Variants in SLC35F4 observed in about 807,000 individuals in gnomAD.
SLC35F4 encodes the protein chromosome 14 open reading frame 36.
Under a neutral mutation model 44.2 loss-of-function variants are expected in SLC35F4, and 24 were observed. The observed-to-expected ratio is 0.54, with a 90% CI of 0.39 to 0.76. The LOEUF (loss-of-function observed/expected upper bound fraction) is 0.76. Ranked by LOEUF, SLC35F4 falls within the 30% of genes least tolerant of loss-of-function variation. SLC35F4 has a pLI of 0.00. For missense variants in SLC35F4, 562 were observed against 586.1 expected (o/e 0.96, Z 0.42); for synonymous variants, 238 against 223.6 (o/e 1.06, Z -0.57).
intron 1 of SLC35F4, among the ~76,000 whole-genome samples, chr14:57,600,495 A>C (rs1299790158): frequency 6.6e-6 from 1 of 150,614 alleles, no homozygotes; most frequent in Non-Finnish European, 1.5e-5. Flanking sequence ...GATCGAGACC[A>C]TCCCGGCTAA....
At position 57,808,303 on chromosome 14, in the gene SLC35F4, C is replaced by T. The variant is rs182137379; in HGVS notation, c.103+57420G>A. On this transcript the variant is annotated intron_variant, in intron 1 of 7. Coordinates refer to ENST00000556826, the MANE Select transcript of SLC35F4 (RefSeq NM_001306087.2). ...TCAAAGTCAGACAGCAACTGGAATC[C>T]GCTCCACCTGTGCTGGCTCCATGGT... 2.0e-4 allele frequency among the ~76,000 whole-genome samples: 30 copies of T among 151,908 alleles called. 1 individual carries two copies. The highest frequency in any genetic ancestry group is 2.4e-4 in the African/African-American group (10 of 41,256).
chr14:57,692,921 A>G (rs1320544572), intron 1 of SLC35F4, among the ~76,000 whole-genome samples: 1 of 152,196 alleles, frequency 6.6e-6, no homozygotes, highest in East Asian at 1.9e-4. Context: ...GTCCATTTAG[A>G]TCAGTGCTTC....
At chr14:57,835,952 A>G (rs1202712514) in intron 1 of SLC35F4, among the ~76,000 whole-genome samples, 1 of 152,218 alleles carries the variant, frequency 6.6e-6, no homozygotes, top group East Asian at 1.9e-4. Context: ...TCTAAACAAC[A>G]CATTTGGGAA....
chr14:57,594,179 G>C, intron 1 of SLC35F4, 55 bp from the exon 2 acceptor site: 1 of 1,475,390 alleles, frequency 6.8e-7, no homozygotes, highest in African/African-American at 1.4e-5. Flanking sequence ...ATTGGAAGTA[G>C]ATTTTATTAT....
intron 1 of SLC35F4, among the ~76,000 whole-genome samples, chr14:57,602,166 TAA>T (rs35032895): frequency 2.9e-3 from 428 of 145,580 alleles, no homozygotes; most frequent in South Asian, 9.6e-3. Flanking sequence ...GCCTGGATGG[TAA>T]AAAAAAAAAA....
intron 3 of SLC35F4, 118 bp from the exon 4 acceptor site, chr14:57,581,551 G>A: frequency 4.4e-6 from 4 of 901,520 alleles, no homozygotes; most frequent in Non-Finnish European, 6.7e-6. Flanking sequence ...ATCCTTCATT[G>A]TGAAGTATAC....
At chr14:57,745,747 G>A (rs2076736537) in intron 1 of SLC35F4, among the ~76,000 whole-genome samples, 1 of 152,136 alleles carries the variant, frequency 6.6e-6, no homozygotes, top group Admixed American at 6.5e-5. Flanking sequence ...TATACCCAAA[G>A]GATTATAAAT....
upstream of SLC35F4, among the ~76,000 whole-genome samples, chr14:57,870,862 G>C (rs1371440243): frequency 6.6e-6 from 1 of 152,136 alleles, no homozygotes; most frequent in Non-Finnish European, 1.5e-5. Flanking sequence ...TTTCAACCAT[G>C]GGTAATGATC....
rs201193472 is a variant in SLC35F4 at position 57,572,017 on chromosome 14, T to C, written c.810A>G (p.Ile270Met). The C allele has an allele frequency of 1.9e-4, 302 of 1,608,836 alleles. No individual in the cohort carries two copies. The highest frequency in any genetic ancestry group is 2.5e-4 in the Non-Finnish European group (291 of 1,177,402). The change falls in exon 5 of 8, where the codon ATA (isoleucine) becomes ATG (methionine). Residue 270 changes from isoleucine to methionine, a missense_variant and splice_region_variant. Transcript: ENST00000556826. The stretch of plus-strand genomic sequence containing the variant: ...CGGTAATTGCCATTATTGCAGCAAC[T>C]ATCTGTCAAATAGGATGCAAAGAAA... ...VLKDRFMGVR[I>M]VAAIMAITGI...
intron 1 of SLC35F4, among the ~76,000 whole-genome samples, chr14:57,677,518 A>G (rs978556620): frequency 2.6e-5 from 4 of 152,122 alleles, no homozygotes; most frequent in Non-Finnish European, 5.9e-5. Flanking sequence ...TAGGTATTCT[A>G]TTTAAAGTTA....
chr14:57,740,402 T>G (rs13379377), intron 1 of SLC35F4, among the ~76,000 whole-genome samples: 2 of 152,132 alleles, frequency 1.3e-5, no homozygotes, highest in Admixed American at 6.5e-5. Flanking sequence ...TGTCTCCAAA[T>G]AGGCTGGAAC....
chr14:57,975,714 G>T (rs189618744), downstream of SLC35F4, among the ~76,000 whole-genome samples: 2 of 152,276 alleles, frequency 1.3e-5, no homozygotes, highest in East Asian at 1.9e-4. Flanking sequence ...AGAATGCACC[G>T]CAGAGAGGAG....
At chr14:57,891,591 T>C (rs17093840) in intron 1 of SLC35F4, among the ~76,000 whole-genome samples, 26,593 of 152,110 alleles carry the variant, frequency 0.17, 2,890 homozygotes, top group African/African-American at 0.3. Context: ...TAAGACTCTT[T>C]CTTGGGCCAG....
intron 1 of SLC35F4, among the ~76,000 whole-genome samples, chr14:57,958,340 G>A (rs2141086031): frequency 1.3e-5 from 2 of 152,304 alleles, no homozygotes; most frequent in East Asian, 1.9e-4. Context: ...TTACATGCGT[G>A]AGCCACTGCG....
At chr14:57,601,680 A>G (rs1042639614) in intron 1 of SLC35F4, among the ~76,000 whole-genome samples, 1 of 152,220 alleles carries the variant, frequency 6.6e-6, no homozygotes, top group Admixed American at 6.5e-5. Context: ...AAATAGTAGT[A>G]ATCTATCTAG....
At chr14:57,661,396 A>T (rs539106665) in intron 1 of SLC35F4, among the ~76,000 whole-genome samples, 1 of 152,252 alleles carries the variant, frequency 6.6e-6, no homozygotes, top group East Asian at 1.9e-4. Flanking sequence ...CAAGCTTTAG[A>T]GTTCTCAGCA....
At chr14:57,900,039 A>G (rs898346700) in intron 1 of SLC35F4, among the ~76,000 whole-genome samples, 7 of 151,790 alleles carry the variant, frequency 4.6e-5, no homozygotes, top group African/African-American at 1.7e-4. Context: ...CTTTTTCCCA[A>G]GCCTCCCTGC....
intron 1 of SLC35F4, among the ~76,000 whole-genome samples, chr14:57,634,499 G>A (rs1226954343): frequency 2.0e-5 from 3 of 152,108 alleles, no homozygotes; most frequent in Non-Finnish European, 2.9e-5. Flanking sequence ...ACAAGAAGGA[G>A]TGAAGTGGGT....
intron 1 of SLC35F4, among the ~76,000 whole-genome samples, chr14:57,815,736 C>T (rs866612751): frequency 1.3e-5 from 2 of 152,142 alleles, no homozygotes; most frequent in African/African-American, 2.4e-5. Context: ...AAAACTCCCC[C>T]TAAATAGCGC....
Sources: gnomAD v4.1 joint callset for allele counts (sites outside exome capture counted in the v4.1 genomes callset) on GRCh38, gnomAD v4.1.1 for gene constraint, MANE v1.5 for transcripts, NCBI Gene and HGNC (gene_info 2026-07-23, HGNC 2026-07-21) for gene names.